CHCHD3: variants seen among roughly 807,000 people sequenced by gnomAD.
CHCHD3 encodes coiled-coil-helix-coiled-coil-helix domain containing 3.
A neutral mutation model predicts 38.2 loss-of-function variants in CHCHD3; 20 were observed. The observed-to-expected ratio is 0.52, with a 90% confidence interval of 0.37 to 0.76. The LOEUF is 0.76. CHCHD3 is among the 30% of genes least tolerant of loss of function. CHCHD3 has a pLI of 0.00. For synonymous variants in CHCHD3, 82 were observed against 100.0 expected, an observed-to-expected ratio of 0.82 and a Z score of 1.07; for missense variants, 245 against 279.2, an observed-to-expected ratio of 0.88 and a Z score of 0.87.
chr7:133,056,997 C>T (rs12531471), intron 2 of CHCHD3, among the ~76,000 whole-genome samples: 35,277 of 152,098 alleles, frequency 0.23, 4,924 homozygotes, highest in East Asian at 0.34. Context: ...CTTTCCATTT[C>T]CCATGTGAAG....
chr7:132,898,922 A>G (rs1809590693), intron 4 of CHCHD3, among the ~76,000 whole-genome samples: 1 of 152,096 alleles, frequency 6.6e-6, no homozygotes, highest in South Asian at 2.1e-4. Context: ...CCAAGCCCAC[A>G]CCCACCCGGA....
At chr7:132,811,607 T>C (rs1807071462) in intron 6 of CHCHD3, among the ~76,000 whole-genome samples, 1 of 152,216 alleles carries the variant, frequency 6.6e-6, no homozygotes, top group Non-Finnish European at 1.5e-5. Flanking sequence ...ATAGAACTGC[T>C]CTTGCTAAAA....
intron 4 of CHCHD3, among the ~76,000 whole-genome samples, chr7:132,932,777 A>G (rs1810545971): frequency 6.6e-6 from 1 of 152,132 alleles, no homozygotes; most frequent in Non-Finnish European, 1.5e-5. Flanking sequence ...TTTCCACCTG[A>G]GCTCCTCTTC....
chr7:132,981,549 G>C (rs1458256438), intron 3 of CHCHD3, among the ~76,000 whole-genome samples: 1 of 152,158 alleles, frequency 6.6e-6, no homozygotes, highest in Non-Finnish European at 1.5e-5. Flanking sequence ...CACTAAGTCA[G>C]AGTTTGCCAG....
At chr7:132,961,215 G>A (rs971018649) in intron 4 of CHCHD3, among the ~76,000 whole-genome samples, 47 of 152,144 alleles carry the variant, frequency 3.1e-4, no homozygotes, top group African/African-American at 9.7e-4. Context: ...CCAGGAGGTC[G>A]AGGCTACAGT....
chr7:132,962,418 T>A (rs1008541319), intron 4 of CHCHD3, among the ~76,000 whole-genome samples: 1 of 152,174 alleles, frequency 6.6e-6, no homozygotes, highest in African/African-American at 2.4e-5. Context: ...CTTGTCCTCA[T>A]TTTAAAAAGA....
intron 2 of CHCHD3, among the ~76,000 whole-genome samples, chr7:133,027,359 TTG>T (rs1168407350): frequency 3.7e-5 from 3 of 81,792 alleles, no homozygotes; most frequent in African/African-American, 1.1e-4. Context: ...CCTTAATAAG[TTG>T]TAAGAGAGAG....
At chr7:132,822,462 G>T (rs930711496) in intron 6 of CHCHD3, among the ~76,000 whole-genome samples, 11 of 151,164 alleles carry the variant, frequency 7.3e-5, no homozygotes, top group African/African-American at 2.7e-4. Flanking sequence ...GCCAATTTTT[G>T]ATTCATATTG....
chr7:132,968,358 C>T (rs1337257867), intron 4 of CHCHD3, among the ~76,000 whole-genome samples: 4 of 152,128 alleles, frequency 2.6e-5, no homozygotes, highest in African/African-American at 7.2e-5. Flanking sequence ...AGATGGATTC[C>T]AGAGCCCATT....
At chr7:132,928,097 C>T (rs1810418177) in intron 4 of CHCHD3, among the ~76,000 whole-genome samples, 1 of 152,062 alleles carries the variant, frequency 6.6e-6, no homozygotes, top group Non-Finnish European at 1.5e-5. Flanking sequence ...GGCTGGAGTC[C>T]AGGCCTGATT....
chr7:133,034,776 A>C, intron 2 of CHCHD3: 1 of 1,613,464 alleles, frequency 6.2e-7, no homozygotes, highest in Non-Finnish European at 8.5e-7. Flanking sequence ...CGGAAAGGCA[A>C]GCTCCTGGCC....
chr7:132,901,587 T>C (rs1809669134), intron 4 of CHCHD3, among the ~76,000 whole-genome samples: 1 of 152,250 alleles, frequency 6.6e-6, no homozygotes, highest in Non-Finnish European at 1.5e-5. Flanking sequence ...TCTGTTCATG[T>C]GTCTGTTTGG....
chr7:133,064,005 A>G (rs1177429699), intron 2 of CHCHD3, among the ~76,000 whole-genome samples: 1 of 151,962 alleles, frequency 6.6e-6, no homozygotes, highest in Non-Finnish European at 1.5e-5. Flanking sequence ...AGCTCCTGAC[A>G]CTCTTTCTCT....
intron 2 of CHCHD3, among the ~76,000 whole-genome samples, chr7:133,042,783 G>C (rs1289691046): frequency 1.3e-5 from 2 of 152,114 alleles, no homozygotes; most frequent in African/African-American, 2.4e-5. Context: ...TGTTACATAA[G>C]TGATTTTACT....
At chr7:133,041,775 G>C (rs1813840815) in intron 2 of CHCHD3, among the ~76,000 whole-genome samples, 1 of 152,184 alleles carries the variant, frequency 6.6e-6, no homozygotes, top group African/African-American at 2.4e-5. Flanking sequence ...ATGTGATTTA[G>C]AACACCCTGT....
At chr7:132,992,224 A>T (rs1159510081) in intron 3 of CHCHD3, among the ~76,000 whole-genome samples, 1 of 152,148 alleles carries the variant, frequency 6.6e-6, no homozygotes, top group African/African-American at 2.4e-5. Flanking sequence ...GCAGCAGTTG[A>T]GTCTGCACTT....
intron 6 of CHCHD3, among the ~76,000 whole-genome samples, chr7:132,810,046 G>A (rs1317145274): frequency 6.6e-6 from 1 of 152,154 alleles, no homozygotes; most frequent in Non-Finnish European, 1.5e-5. Context: ...AAATGGATAT[G>A]TTTAAGGTAA....
intron 4 of CHCHD3, chr7:132,886,933 G>A: frequency 2.4e-6 from 3 of 1,231,054 alleles, no homozygotes; most frequent in South Asian, 3.1e-5. Flanking sequence ...TAGTTTAGGT[G>A]AACTACTTGC....
chr7:132,906,126 T>C (rs1459795803), intron 4 of CHCHD3, among the ~76,000 whole-genome samples: 4 of 152,216 alleles, frequency 2.6e-5, no homozygotes, highest in Non-Finnish European at 4.4e-5. Flanking sequence ...GTATGATATA[T>C]ACTTCAAAAC....
Sources: gnomAD v4.1 joint callset for allele counts (sites outside exome capture counted in the v4.1 genomes callset) on GRCh38, gnomAD v4.1.1 for gene constraint, MANE v1.5 for transcripts, NCBI Gene and HGNC (gene_info 2026-07-23, HGNC 2026-07-21) for gene names.